RAD51B: variants seen among roughly 807,000 people sequenced by gnomAD.
RAD51B encodes RAD51 paralog B.
RAD51B carries 38 observed loss-of-function variants against 42.2 expected under a neutral mutation model. That is an observed-to-expected ratio of 0.90 (90% CI 0.70 to 1.18). The LOEUF (loss-of-function observed/expected upper bound fraction) is 1.18, where lower values mean the gene tolerates loss of function less well. Ranked by LOEUF, RAD51B falls within the 50% of genes most tolerant of loss-of-function variation. RAD51B has a pLI of 0.00. For missense variants in RAD51B, 373 were observed against 400.7 expected, an observed-to-expected ratio of 0.93 and a Z score of 0.59; for synonymous variants, 154 against 145.2, an observed-to-expected ratio of 1.06 and a Z score of -0.43.
chr14:68,499,326 G>A (rs982767911), intron 10 of RAD51B, among the ~76,000 whole-genome samples: 7 of 152,200 alleles, frequency 4.6e-5, no homozygotes, highest in Admixed American at 2.0e-4. Flanking sequence ...AGTAAAGAAT[G>A]AAGAGCTAGA....
chr14:68,452,344 T>C (rs1408906730), intron 9 of RAD51B, among the ~76,000 whole-genome samples: 1 of 152,186 alleles, frequency 6.6e-6, no homozygotes, highest in Non-Finnish European at 1.5e-5. Context: ...TATTTGAAAA[T>C]TGAAATTGGT....
chr14:68,623,582 C>A (rs1427831481), intron 10 of RAD51B, among the ~76,000 whole-genome samples: 1 of 152,196 alleles, frequency 6.6e-6, no homozygotes, highest in Non-Finnish European at 1.5e-5. Flanking sequence ...GGAAGGGGTG[C>A]CTTTTCTAAC....
chr14:68,293,582 C>A (rs1242893283), intron 8 of RAD51B, among the ~76,000 whole-genome samples: 2 of 152,186 alleles, frequency 1.3e-5, no homozygotes, highest in African/African-American at 4.8e-5. Flanking sequence ...CCACTCCCAG[C>A]TCCAGGCCTG....
chr14:68,167,128 G>T (rs1009562428), intron 7 of RAD51B, among the ~76,000 whole-genome samples: 3 of 152,082 alleles, frequency 2.0e-5, no homozygotes, highest in African/African-American at 7.2e-5. Flanking sequence ...GTGGTTTCTT[G>T]TGTGCTATAA....
chr14:67,886,880 G>T (rs2043075962), intron 6 of RAD51B, 141 bp from the exon 7 acceptor site: 7 of 543,748 alleles, frequency 1.3e-5, no homozygotes, highest in Non-Finnish European at 2.2e-5. Context: ...TACAAGTTAG[G>T]TTTACTGAAT....
chr14:68,527,310 A>C (rs1189789494), intron 10 of RAD51B, among the ~76,000 whole-genome samples: 1 of 152,176 alleles, frequency 6.6e-6, no homozygotes, highest in African/African-American at 2.4e-5. Flanking sequence ...CTAACCTGGG[A>C]GCCTAGACAG....
At chr14:68,392,601 A>G (rs1040980081) in intron 8 of RAD51B, among the ~76,000 whole-genome samples, 28 of 152,208 alleles carry the variant, frequency 1.8e-4, no homozygotes, top group African/African-American at 6.8e-4. Context: ...TACAAGAGGA[A>G]TGAGGCCCAC....
At position 68,253,493 on chromosome 14, in the gene RAD51B, A is replaced by T. The variant is rs571170951; in HGVS notation, c.757-38391A>T. Among the ~76,000 whole-genome samples, 8 of 152,030 alleles carry T rather than the reference A, an allele frequency of 5.3e-5. No homozygotes were observed. The East Asian group carries it at 1.5e-3, about 29-fold the overall frequency. On this transcript the variant is annotated intron_variant, in intron 7 of 10. Coordinates refer to ENST00000471583, the MANE Select transcript of RAD51B (RefSeq NM_133510.4). ...CTTTTGTCTCATATTTGTTTCAGTT[A>T]TTTTTCCCAGTTTCTCATTTGCCTT...
intron 7 of RAD51B, among the ~76,000 whole-genome samples, chr14:68,066,176 G>A (rs934836326): frequency 2.6e-5 from 4 of 151,950 alleles, no homozygotes; most frequent in Non-Finnish European, 4.4e-5. Flanking sequence ...ACATTTTAAT[G>A]ATGTTGGAAA....
At chr14:68,215,125 TATC>T (rs1307117433) in intron 7 of RAD51B, among the ~76,000 whole-genome samples, 2 of 152,240 alleles carry the variant, frequency 1.3e-5, no homozygotes, top group African/African-American at 4.8e-5. Flanking sequence ...TCTCCTGAGT[TATC>T]ATCATAATAA....
chr14:68,222,719 C>A (rs1024778963), intron 7 of RAD51B, among the ~76,000 whole-genome samples: 2 of 152,118 alleles, frequency 1.3e-5, no homozygotes, highest in African/African-American at 4.8e-5. Context: ...TATTCAAATA[C>A]CCATAGGAGA....
chr14:68,325,310 C>T (rs2082228042), intron 8 of RAD51B, among the ~76,000 whole-genome samples: 1 of 152,190 alleles, frequency 6.6e-6, no homozygotes, highest in African/African-American at 2.4e-5. Flanking sequence ...TCATTATCAA[C>T]AACCACCATC....
At chr14:68,428,138 G>A (rs1333018084) in intron 9 of RAD51B, among the ~76,000 whole-genome samples, 1 of 152,108 alleles carries the variant, frequency 6.6e-6, no homozygotes, top group Admixed American at 6.5e-5. Flanking sequence ...ACAGGACTAT[G>A]AGAAATAAAT....
At chr14:68,611,362 A>G (rs1466876272) in exon 11 of RAD51B, 1 of 645,892 alleles carries the variant, frequency 1.5e-6, no homozygotes, top group African/African-American at 1.8e-5. Flanking sequence ...TCAGCAAAGG[A>G]TGTCATGGTT....
chr14:68,634,162 T>C (rs538581139), intron 10 of RAD51B, among the ~76,000 whole-genome samples: 35 of 152,272 alleles, frequency 2.3e-4, no homozygotes, highest in African/African-American at 8.4e-4. Context: ...TGAGCCTCAG[T>C]TTCCTCCTGG....
At chr14:67,975,661 T>G (rs947349281) in intron 7 of RAD51B, among the ~76,000 whole-genome samples, 1 of 152,110 alleles carries the variant, frequency 6.6e-6, no homozygotes. Context: ...GAAAACAAAA[T>G]AGAGGTACAG....
Position 67,881,524 on chromosome 14 carries a change from A to G in RAD51B, c.453-4345A>G, listed in dbSNP as rs529032954. 3.3e-5 allele frequency among the ~76,000 whole-genome samples: 5 copies of G among 152,250 alleles called. No homozygotes were observed. In the East Asian group the frequency reaches 5.8e-4, roughly 18 times the overall value. On this transcript the variant is annotated intron_variant, in intron 5 of 10. Coordinates refer to ENST00000471583, the MANE Select transcript of RAD51B (RefSeq NM_133510.4). Reference sequence around the variant, plus strand: ...TGCTTCCTCTCTGGTACTCTGCCCCATAAGTTCTAGCCACCTTAGCTTTCC... The same window carrying G: ...TGCTTCCTCTCTGGTACTCTGCCCCGTAAGTTCTAGCCACCTTAGCTTTCC...
At chr14:68,364,299 C>T (rs2083094695) in intron 8 of RAD51B, among the ~76,000 whole-genome samples, 1 of 152,228 alleles carries the variant, frequency 6.6e-6, no homozygotes, top group South Asian at 2.1e-4. Flanking sequence ...GAGGGAGACA[C>T]TAGCAGTCAG....
At chr14:68,317,446 G>A (rs1042510607) in intron 8 of RAD51B, among the ~76,000 whole-genome samples, 5 of 151,960 alleles carry the variant, frequency 3.3e-5, no homozygotes, top group Middle Eastern at 3.4e-3. Flanking sequence ...CATAAATTCT[G>A]TGGTAAAGTG....
Sources: allele counts gnomAD v4.1 joint callset (sites outside exome capture counted in the v4.1 genomes callset), GRCh38; gene constraint gnomAD v4.1.1; transcripts MANE v1.5; gene names NCBI Gene and HGNC (gene_info 2026-07-23, HGNC 2026-07-21).